Variants in HRC observed in about 807,000 individuals in gnomAD.
HRC encodes histidine rich calcium binding protein, also known as sarcoplasmic reticulum histidine-rich calcium-binding protein.
A neutral mutation model predicts 61.4 loss-of-function variants in HRC; 41 were observed. The ratio of observed to expected loss-of-function variants is 0.67; its 90% CI spans 0.52 to 0.87. The LOEUF (loss-of-function observed/expected upper bound fraction) is 0.87, where lower values mean the gene tolerates loss of function less well. Among genes scored for constraint, HRC ranks in the 40% least tolerant of loss-of-function variants. The pLI is 0.00. For synonymous variants in HRC, 308 were observed against 326.6 expected (o/e 0.94, Z 0.62); for missense variants, 839 against 885.8 (o/e 0.95, Z 0.67).
rs896486904 is a variant in HRC at position 49,153,507 on chromosome 19, C to T, written c.1731G>A (p.Leu577=). The change falls in exon 1 of 6, where the codon CTG becomes CTA. Residue 577 remains leucine, a synonymous_variant. Coordinates refer to ENST00000252825, the MANE Select transcript of HRC (RefSeq NM_002152.3). This position sits in a 1 kb window ranked among gnomAD's most constrained non-coding sequence, Gnocchi z 4.8. ...SEEEEEEEEG[L]EEDEPRFTII... is the part of the protein sequence containing the mutation. ...TGGTGAAGCGGGGCTCATCTTCCTC[C>T]AGCCCCTCCTCCTCCTCCTCTTCCT... The T allele has an allele frequency of 4.2e-5, 67 of 1,585,242 alleles. 1 individual carries two copies. The highest frequency in any genetic ancestry group is 1.7e-6 in the Non-Finnish European group (2 of 1,165,812).
intron 4 of HRC, 51 bp from the exon 5 acceptor site, chr19:49,151,604 TAGGC>T: frequency 1.3e-6 from 2 of 1,544,386 alleles, no homozygotes; most frequent in Non-Finnish European, 1.8e-6. Context: ...CGAGCAAAAT[TAGGC>T]AGCCACTCAG....
chr19:49,154,677 C>T lies in HRC; in HGVS notation c.561G>A (p.Gly187=), dbSNP rs1196853384. Residue 187 remains glycine (G), a synonymous_variant, in exon 1 of 6, where the codon GGG becomes GGA. Transcript: ENST00000252825. ...CCTCCTCTTCTCCTTCATCATCTTCCCCATCATGGCCTCGGTGTCCATGCC... is the reference window on the plus strand; with the variant it reads ...CCTCCTCTTCTCCTTCATCATCTTCTCCATCATGGCCTCGGTGTCCATGCC... ...ILRHGHRGHD[G]EDDEGEEEEE... The T allele has an allele frequency of 6.2e-7, 1 of 1,611,566 alleles. No homozygotes were observed.
chr19:49,154,521 C>A lies in HRC; in HGVS notation c.717G>T (p.Arg239Ser), dbSNP rs766450974. Reference sequence around the variant, plus strand: ...CGTCATCTTCTTCATGGCCTTGGTGCCTGTGGCTGGGGCCATGATGATGGT... The same window carrying A: ...CGTCATCTTCTTCATGGCCTTGGTGACTGTGGCTGGGGCCATGATGATGGT... ...DGHHHHGPSH[R>S]HQGHEEDDDD... Residue 239 changes from arginine to serine, a missense_variant, in exon 1 of 6, where the codon AGG becomes AGT. By Grantham distance (110) the Arg-to-Ser change is moderately radical. Coordinates refer to ENST00000252825, the MANE Select transcript of HRC (RefSeq NM_002152.3). The A allele has an allele frequency of 1.7e-5, 27 of 1,612,450 alleles. 1 individual carries two copies. The Admixed American group carries it at 4.5e-4, about 27-fold the overall frequency.
rs774733833 is a variant in HRC at position 49,153,591 on chromosome 19, CTCG to C, written c.1644_1646del (p.Asp548del). 2 of 1,535,278 alleles carry C rather than the reference CTCG, an allele frequency of 1.3e-6. No homozygotes were observed. Among genetic ancestry groups the C allele is most frequent in the African/African-American group, 2.7e-5 (2 of 73,200 alleles). ...CCTCAGCCCTCTCTTCCCTCCTCTC[CTCG>C]TCTTCTTCCTCCTCCTCCTCCTCCT... is the stretch of plus-strand genomic sequence containing the variant. On this transcript the variant is annotated inframe_deletion, in exon 1 of 6. Coordinates refer to ENST00000252825, the MANE Select transcript of HRC (RefSeq NM_002152.3). The surrounding 1 kb of genome is among the most constrained non-coding windows in gnomAD (Gnocchi z 4.8).
At position 49,153,627 on chromosome 19, in the gene HRC, CTCT is replaced by C; in HGVS notation, c.1608_1610del (p.Glu538del). On this transcript the variant is annotated inframe_deletion, in exon 1 of 6. Coordinates refer to ENST00000252825, the MANE Select transcript of HRC (RefSeq NM_002152.3). This position sits in a 1 kb window ranked among gnomAD's most constrained non-coding sequence, Gnocchi z 4.8. ...CCTCCTCCTCCTCCTCCTTGTCTTC[CTCT>C]TCTTCCTCCTCCTGGTTCAGGCTGA... 6.4e-7 allele frequency: 1 copy of C among 1,551,246 alleles called. No homozygotes were observed. Among genetic ancestry groups the C allele is most frequent in the Non-Finnish European group, 8.9e-7 (1 of 1,125,932 alleles).
rs1452189381 is a variant in HRC, at chr19:49,154,501, T to C, written c.737A>G (p.Asp246Gly). The C allele has an allele frequency of 6.3e-7, 1 of 1,591,166 alleles. No individual in the cohort carries two copies. The highest frequency in any genetic ancestry group is 2.3e-5 in the East Asian group (1 of 44,376). ...ATCATCATCATCATCATCATCGTCA[T>C]CTTCTTCATGGCCTTGGTGCCTGTG... ...PSHRHQGHEEDDDDDDDDDDD... is the reference protein window; with the variant it reads ...PSHRHQGHEEGDDDDDDDDDD... The change falls in exon 1 of 6, where the codon GAT (aspartate) becomes GGT (glycine). Residue 246 changes from aspartate (D) to glycine (G), a missense_variant. Coordinates refer to ENST00000252825, the MANE Select transcript of HRC (RefSeq NM_002152.3).
In HRC at chr19:49,153,651, G is replaced by T. The variant is rs761899730; in HGVS notation, c.1587C>A (p.Ser529Arg). The T allele has an allele frequency of 1.1e-5, 17 of 1,582,778 alleles. No individual in the cohort carries two copies. The highest frequency in any genetic ancestry group is 1.5e-5 in the Non-Finnish European group (17 of 1,153,362). Residue 529 changes from serine (S) to arginine (R), a missense_variant, in exon 1 of 6, where the codon AGC becomes AGA. Coordinates refer to ENST00000252825, the MANE Select transcript of HRC (RefSeq NM_002152.3). The surrounding 1 kb of genome is among the most constrained non-coding windows in gnomAD (Gnocchi z 4.8). ...EEDEEEGHGL[S>R]LNQEEEEEED... is the part of the protein sequence containing the mutation. ...CCTCTTCTTCCTCCTCCTGGTTCAG[G>T]CTGAGGCCATGACCTTCCTCCTCAT...
Position 49,151,207 on chromosome 19 carries a change from G to A in HRC, c.*89C>T. 3.4e-6 allele frequency: 4 copies of A among 1,166,072 alleles called. No individual in the cohort carries two copies. Among genetic ancestry groups the A allele is most frequent in the East Asian group, 2.6e-5 (1 of 38,712 alleles). The allele number at this position is 1,166,072 out of a possible 1,614,324, so 72.2% of individuals were successfully genotyped here. ...ACGTCTGACAATGAGGTTTCGGGGA[G>A]CACGTTTATTCGGAGAAATAAATAT... On this transcript the variant is annotated 3_prime_UTR_variant, in exon 6 of 6. Transcript: ENST00000252825.
Position 49,155,212 on chromosome 19 carries a change from T to C in HRC, c.26A>G (p.His9Arg). 6.2e-6 allele frequency: 10 copies of C among 1,609,728 alleles called. No individual in the cohort carries two copies. The highest frequency in any genetic ancestry group is 8.5e-6 in the Non-Finnish European group (10 of 1,179,336). The change falls in exon 1 of 6, where the codon CAC (histidine) becomes CGC (arginine). Residue 9 changes from histidine to arginine, a missense_variant. Coordinates refer to ENST00000252825, the MANE Select transcript of HRC (RefSeq NM_002152.3). The surrounding 1 kb of genome is among the most constrained non-coding windows in gnomAD (Gnocchi z 4.7). MGHHRPWLHASVLWAGVAS... is the reference protein window; with the variant it reads MGHHRPWLRASVLWAGVAS... ...CACCCCAGCCCAGAGGACAGAAGCG[T>C]GCAGCCATGGCCTATGGTGGCCCAT...
rs1568444459 is a variant in HRC at position 49,151,991 on chromosome 19, CGCCCATGCTCACCT to C, written c.2025_2026+12del. 3 of 1,613,758 alleles carry C rather than the reference CGCCCATGCTCACCT, an allele frequency of 1.9e-6. No homozygotes were observed. In the Admixed American group the frequency reaches 5.0e-5, roughly 27 times the overall value. ...CCTTCCTCAGGTTTTTCCAGGGCCC[CGCCCATGCTCACCT>C]GGAGCGCAGACCGTTTCGCAGACCA... is the stretch of plus-strand genomic sequence containing the variant. On this transcript the variant is annotated splice_donor_variant and splice_donor_5th_base_variant and coding_sequence_variant and intron_variant, in exon 4 of 6. Transcript: ENST00000252825. LOFTEE classifies it high-confidence loss of function.
At position 49,153,951 on chromosome 19, in the gene HRC, C is replaced by G. The variant is rs765606324; in HGVS notation, c.1287G>C (p.Glu429Asp). 1 of 1,610,694 alleles carries G rather than the reference C, an allele frequency of 6.2e-7. No homozygotes were observed. The highest frequency in any genetic ancestry group is 1.1e-5 in the South Asian group (1 of 90,184). ...CCTGGTGGCCAAGCTCAGCAGAGAC[C>G]TCCTCATCTTCCTCCCTGGGGACTC... is the stretch of plus-strand genomic sequence containing the variant. ...HHRVPREEDE[E>D]VSAELGHQAP... is the part of the protein sequence containing the mutation. Residue 429 changes from glutamate (E) to aspartate (D), a missense_variant, in exon 1 of 6, where the codon GAG becomes GAC. Transcript: ENST00000252825. The surrounding 1 kb of genome is among the most constrained non-coding windows in gnomAD (Gnocchi z 4.8).
chr19:49,152,502 G>T, intron 2 of HRC, 124 bp from the exon 3 acceptor site: 1 of 653,718 alleles, frequency 1.5e-6, no homozygotes. Context: ...CTAACACTGA[G>T]CTCTGTATCT....
At chr19:49,152,128 G>T (rs1410482531) in intron 3 of HRC, 70 bp from the exon 4 acceptor site, 2 of 1,430,404 alleles carry the variant, frequency 1.4e-6, no homozygotes, top group African/African-American at 1.4e-5. Context: ...ATGGGGCCGG[G>T]ACCAGACCCG....
Position 49,152,315 on chromosome 19 carries a change from A to T in HRC, c.1966T>A (p.Cys656Ser). ...EENMGEHCDQ[C>S]QHCQFCYLCP... ...AGTGTGAGGTGAGGTCTCACCTGGC[A>T]CTGGTCGCAGTGCTCACCCATGTTC... is the stretch of plus-strand genomic sequence containing the variant. The change falls in exon 3 of 6, where the codon TGC becomes AGC. Residue 656 changes from cysteine (C) to serine (S), a missense_variant. Cys to Ser is a moderately radical substitution (Grantham distance 112, BLOSUM62 -1). Transcript: ENST00000252825. 6.2e-7 allele frequency: 1 copy of T among 1,612,998 alleles called. No homozygotes were observed. Among genetic ancestry groups the T allele is most frequent in the South Asian group, 1.1e-5 (1 of 90,998 alleles).
At position 49,153,702 on chromosome 19, in the gene HRC, G is replaced by C. The variant is rs140217759; in HGVS notation, c.1536C>G (p.Gly512=). The C allele has an allele frequency of 1.9e-6, 3 of 1,613,442 alleles. No individual in the cohort carries two copies. The African/African-American group carries it at 4.0e-5, about 22-fold the overall frequency. ...CCTCCTCATCTTCCTGGTCCCGGCTGCCATGATGGGTGCCTTTCTCTCCCT... is the reference window on the plus strand; with the variant it reads ...CCTCCTCATCTTCCTGGTCCCGGCTCCCATGATGGGTGCCTTTCTCTCCCT... ...SEQGEKGTHH[G]SRDQEDEEDE... Residue 512 remains glycine, a synonymous_variant, in exon 1 of 6, where the codon GGC becomes GGG. Transcript: ENST00000252825. This position sits in a 1 kb window ranked among gnomAD's most constrained non-coding sequence, Gnocchi z 4.8.
rs750876734 is a variant in HRC at position 49,152,092 on chromosome 19, G to T, written c.1972-34C>A. 3 of 1,599,632 alleles carry T rather than the reference G, an allele frequency of 1.9e-6. No homozygotes were observed. In the Admixed American group the frequency reaches 5.0e-5, roughly 27 times the overall value. ...GGGGACGGGGAGAGAGAGTGAGCGT[G>T]GGGCGTGGCCGGGGGCGGAGTTAGG... is the stretch of plus-strand genomic sequence containing the variant. On this transcript the variant is annotated intron_variant, in intron 3 of 5. Coordinates refer to ENST00000252825, the MANE Select transcript of HRC (RefSeq NM_002152.3).
chr19:49,154,647 C>G lies in HRC; in HGVS notation c.591G>C (p.Glu197Asp). 1.2e-6 allele frequency: 2 copies of G among 1,604,222 alleles called. No individual in the cohort carries two copies. The highest frequency in any genetic ancestry group is 8.5e-7 in the Non-Finnish European group (1 of 1,172,554). Residue 197 changes from glutamate (E) to aspartate (D), a missense_variant, in exon 1 of 6, where the codon GAG becomes GAC. Glu to Asp is a conservative substitution (Grantham distance 45). Transcript: ENST00000252825. The part of the protein sequence containing the change: ...GEDDEGEEEE[E>D]EEEEEEEAST... ...AGGCCTCCTCTTCCTCCTCCTCCTC[C>G]TCCTCCTCCTCTTCTCCTTCATCAT...
intron 4 of HRC, among the ~76,000 whole-genome samples, 158 bp from the exon 5 acceptor site, chr19:49,151,711 G>A (rs2041361251): frequency 1.3e-5 from 2 of 151,990 alleles, no homozygotes; most frequent in African/African-American, 4.8e-5. Context: ...TTTCGTTCTG[G>A]GTGATTCCGT....
Position 49,154,780 on chromosome 19 carries a change from G to C in HRC, c.458C>G (p.Pro153Arg), listed in dbSNP as rs1240292410. The C allele has an allele frequency of 6.2e-7, 1 of 1,613,786 alleles. No individual in the cohort carries two copies. Residue 153 changes from proline to arginine, a missense_variant, in exon 1 of 6, where the codon CCC becomes CGC. By Grantham distance (103) the Pro-to-Arg change is moderately radical. Transcript: ENST00000252825. ...TTGATGGCTGTGGCTCCTGTGGCTG[G>C]GGAGGTGGTGCCTGTGCTCAGCTGA... The part of the protein sequence containing the change: ...EDSAEHRHHL[P>R]SHRSHSHQDE...
Sources: gnomAD v4.1 joint callset for allele counts (sites outside exome capture counted in the v4.1 genomes callset) on GRCh38, gnomAD v4.1.1 for gene constraint, Gnocchi (gnomAD v3.1) non-coding constraint, MANE v1.5 for transcripts, NCBI Gene and HGNC (gene_info 2026-07-23, HGNC 2026-07-21) for gene names.